The following CDYL2 variants were observed in gnomAD, a reference collection of about 807,000 sequenced individuals.
CDYL2 encodes the protein chromodomain Y like 2, also known as chromodomain Y-like protein 2.
CDYL2 carries 23 observed loss-of-function variants against 49.4 expected under a neutral mutation model. That is an observed-to-expected ratio of 0.47 (90% confidence interval 0.34 to 0.66). CDYL2 has a LOEUF of 0.66. Ranked by LOEUF, CDYL2 falls within the 30% of genes least tolerant of loss-of-function variation. CDYL2 has a pLI of 0.01. For synonymous variants in CDYL2, 360 were observed against 268.8 expected, an observed-to-expected ratio of 1.34 and a Z score of -3.32; for missense variants, 678 against 656.4, an observed-to-expected ratio of 1.03 and a Z score of -0.36.
rs931407772 is a variant in CDYL2 at position 80,604,159 on chromosome 16, C to G, written c.*229G>C. ...CCTGGGAAGATACAGCCTTGGACAG[C>G]TCTCTGGCCAGGAAGGGCAGGGAGG... On this transcript the variant is annotated 3_prime_UTR_variant, in exon 7 of 7. Transcript: ENST00000570137. 2.6e-5 allele frequency: 15 copies of G among 573,968 alleles called. No homozygotes were observed. The highest frequency in any genetic ancestry group is 2.4e-4 in the African/African-American group (13 of 53,316). 35.6% of individuals were successfully genotyped at this position (573,968 alleles called of 1,614,324 possible).
chr16:80,626,843 T>C (rs1370074152), intron 3 of CDYL2, among the ~76,000 whole-genome samples: 4 of 152,152 alleles, frequency 2.6e-5, no homozygotes, highest in East Asian at 3.8e-4. Context: ...GTGCCAGGAA[T>C]TGCACCAGGA....
chr16:80,615,343 G>C (rs1191159960), intron 4 of CDYL2, among the ~76,000 whole-genome samples: 1 of 152,122 alleles, frequency 6.6e-6, no homozygotes, highest in Non-Finnish European at 1.5e-5. Flanking sequence ...TAGGGGTTTG[G>C]ATGATTTTTG....
intron 1 of CDYL2, among the ~76,000 whole-genome samples, chr16:80,737,652 T>C (rs998215278): frequency 2.0e-5 from 3 of 152,190 alleles, no homozygotes; most frequent in African/African-American, 7.2e-5. Flanking sequence ...TTCTCAAACT[T>C]TGGTGTGCAT....
chr16:80,760,160 T>C (rs1382542042), intron 1 of CDYL2, among the ~76,000 whole-genome samples: 1 of 152,200 alleles, frequency 6.6e-6, no homozygotes, highest in Non-Finnish European at 1.5e-5. Context: ...ATTATCCAAC[T>C]TGGGGATGCA....
chr16:80,799,871 T>C (rs1907873873), intron 1 of CDYL2, among the ~76,000 whole-genome samples: 1 of 152,214 alleles, frequency 6.6e-6, no homozygotes, highest in Non-Finnish European at 1.5e-5. Flanking sequence ...GATAACATTT[T>C]CTCTGAAGAT....
At chr16:80,710,134 G>A (rs977271185) in intron 1 of CDYL2, among the ~76,000 whole-genome samples, 5 of 152,008 alleles carry the variant, frequency 3.3e-5, no homozygotes, top group African/African-American at 1.2e-4. Context: ...TCGCCATGTT[G>A]GCCAGGCTGG....
At chr16:80,768,165 T>C (rs1254619266) in intron 1 of CDYL2, among the ~76,000 whole-genome samples, 4 of 152,080 alleles carry the variant, frequency 2.6e-5, no homozygotes, top group Non-Finnish European at 5.9e-5. Context: ...TCTTAGTAAG[T>C]CAAACAGCCA....
At chr16:80,754,122 C>T (rs1375520386) in intron 1 of CDYL2, among the ~76,000 whole-genome samples, 2 of 152,206 alleles carry the variant, frequency 1.3e-5, no homozygotes, top group African/African-American at 4.8e-5. Context: ...ACAAGCTCAA[C>T]ACAATCCTAC....
At chr16:80,742,939 C>G (rs1045460033) in intron 1 of CDYL2, among the ~76,000 whole-genome samples, 2 of 141,522 alleles carry the variant, frequency 1.4e-5, no homozygotes, top group Admixed American at 7.7e-5. Context: ...AAATGAAGGA[C>G]AGATAGGTGG....
intron 4 of CDYL2, among the ~76,000 whole-genome samples, chr16:80,618,337 C>G (rs536496737): frequency 6.6e-6 from 1 of 152,236 alleles, no homozygotes; most frequent in Non-Finnish European, 1.5e-5. Flanking sequence ...ACACCTCTTT[C>G]TCCATGAATT....
rs970118638 is a variant in CDYL2 at position 80,804,550 on chromosome 16, T to A, written c.-377A>T. The stretch of plus-strand genomic sequence containing the variant: ...GGCAACGGCTCGCCCCGGCGCCGCC[T>A]GCAGGAAGCCGCCCGGCGCCCGCCG... On this transcript the variant is annotated 5_prime_UTR_variant, in exon 1 of 7. Coordinates refer to ENST00000570137, the MANE Select transcript of CDYL2 (RefSeq NM_152342.4). Among the ~76,000 whole-genome samples, 6 of 142,750 alleles carry A rather than the reference T, an allele frequency of 4.2e-5. No homozygotes were observed. The highest frequency in any genetic ancestry group is 1.5e-4 in the African/African-American group (6 of 39,846). The allele number at this position is 142,750 out of a possible 152,430, so 93.6% of individuals were successfully genotyped here.
intron 2 of CDYL2, among the ~76,000 whole-genome samples, chr16:80,636,765 G>T (rs1049680456): frequency 6.6e-6 from 1 of 152,144 alleles, no homozygotes; most frequent in Non-Finnish European, 1.5e-5. Flanking sequence ...TATGTTTACT[G>T]CAGCACTGTT....
intron 1 of CDYL2, among the ~76,000 whole-genome samples, chr16:80,699,186 G>C (rs1904288677): frequency 6.6e-6 from 1 of 152,162 alleles, no homozygotes; most frequent in Admixed American, 6.5e-5. Flanking sequence ...AAATCAGTAT[G>C]TCTAAGATAT....
intron 2 of CDYL2, among the ~76,000 whole-genome samples, chr16:80,678,532 C>G (rs1298102995): frequency 6.6e-6 from 1 of 152,066 alleles, no homozygotes; most frequent in Non-Finnish European, 1.5e-5. Flanking sequence ...CACTGGCCAT[C>G]AGAGAAATGC....
At chr16:80,645,407 G>T (rs1479491327) in intron 2 of CDYL2, among the ~76,000 whole-genome samples, 2 of 152,188 alleles carry the variant, frequency 1.3e-5, no homozygotes, top group Non-Finnish European at 2.9e-5. Flanking sequence ...CTGGCCATCA[G>T]AGAAATGCAA....
intron 2 of CDYL2, among the ~76,000 whole-genome samples, chr16:80,636,067 G>A (rs1366461606): frequency 1.3e-5 from 2 of 152,148 alleles, no homozygotes; most frequent in African/African-American, 4.8e-5. Context: ...ATTAACTCAA[G>A]ATGGATTAGA....
intron 6 of CDYL2, among the ~76,000 whole-genome samples, chr16:80,606,747 T>C (rs7202028): frequency 0.3 from 46,026 of 151,934 alleles, 7,254 homozygotes; most frequent in Middle Eastern, 0.37. Context: ...TGGGAGATAA[T>C]TCAATGACGG....
At chr16:80,662,089 T>C (rs373119404) in intron 2 of CDYL2, among the ~76,000 whole-genome samples, 6 of 152,340 alleles carry the variant, frequency 3.9e-5, no homozygotes, top group South Asian at 2.1e-4. Context: ...GTGTCAAACA[T>C]GCTTGCAAAG....
intron 4 of CDYL2, among the ~76,000 whole-genome samples, chr16:80,615,252 T>C (rs1014430376): frequency 3.3e-5 from 5 of 152,184 alleles, no homozygotes. Context: ...GGTTTTCGGT[T>C]AGGTCACTGG....
Sources: allele counts gnomAD v4.1 joint callset (sites outside exome capture counted in the v4.1 genomes callset), GRCh38; gene constraint gnomAD v4.1.1; transcripts MANE v1.5; gene names NCBI Gene and HGNC (gene_info 2026-07-23, HGNC 2026-07-21).